The following TRPT1 variants were observed in gnomAD, a reference collection of about 807,000 sequenced individuals.
TRPT1 encodes the protein tRNA phosphotransferase 1.
Under a neutral mutation model 28.4 loss-of-function variants are expected in TRPT1, and 22 were observed. That is an observed-to-expected ratio of 0.78 (90% CI 0.55 to 1.11). TRPT1 has a LOEUF of 1.11. Ranked by LOEUF, TRPT1 falls within the 50% of genes least tolerant of loss-of-function variation. The probability of loss-of-function intolerance (pLI) is 0.00; values close to 1 mark genes in which losing one functional copy is unlikely to be tolerated. For missense variants in TRPT1, 308 were observed against 317.7 expected (o/e 0.97, Z 0.23); for synonymous variants, 137 against 132.4 (o/e 1.03, Z -0.24).
chr11:64,225,510 G>A lies in TRPT1; in HGVS notation c.146C>T (p.Pro49Leu), dbSNP rs200984499. ...LRHGALKLGL[P>L]MGADGFVPLG... Reference sequence around the variant, plus strand: ...AGGCCCCTACTTACCAGCTCCCATGGGAAGCCCCAGCTTCAAGGCCCCATG... The same window carrying A: ...AGGCCCCTACTTACCAGCTCCCATGAGAAGCCCCAGCTTCAAGGCCCCATG... The change falls in exon 3 of 8, where the codon CCC becomes CTC. Residue 49 changes from proline to leucine, a missense_variant. Physicochemically the swap from Pro to Leu is moderately conservative, Grantham distance 98. Transcript: ENST00000317459. 33 of 1,612,798 alleles carry A rather than the reference G, an allele frequency of 2.0e-5. No homozygotes were observed. Among genetic ancestry groups the A allele is most frequent in the Non-Finnish European group, 2.5e-5 (30 of 1,179,550 alleles).
Position 64,224,924 on chromosome 11 carries a change from G to A in TRPT1, c.204C>T (p.Arg68=), listed in dbSNP as rs780390832. 6 of 1,582,664 alleles carry A rather than the reference G, an allele frequency of 3.8e-6. No individual in the cohort carries two copies. The highest frequency in any genetic ancestry group is 2.3e-5 in the East Asian group (1 of 42,970). Residue 68 remains arginine, a synonymous_variant, in exon 4 of 8, where the codon CGC becomes CGT. Coordinates refer to ENST00000317459, the MANE Select transcript of TRPT1 (RefSeq NM_001033678.4). ...GCTGCACATCTTCAGCAGAGAAGCCGCGGAACTGGGGCAACTGCAGGAGGG... is the reference window on the plus strand; with the variant it reads ...GCTGCACATCTTCAGCAGAGAAGCCACGGAACTGGGGCAACTGCAGGAGGG... The part of the protein sequence containing the change: ...LGTLLQLPQF[R]GFSAEDVQRV...
Position 64,224,304 on chromosome 11 carries a change from A to G in TRPT1, c.540T>C (p.Asp180=). ...ACTCACCTGCCAGAGCCAGGGGTCC[A>G]TCGATGAACACAGCTATTTCACAAT... ...RSHCEIAVFI[D]GPLALADGIP... The change falls in exon 6 of 8, where the codon GAT becomes GAC. Residue 180 remains aspartate (D), a synonymous_variant. Coordinates refer to ENST00000317459, the MANE Select transcript of TRPT1 (RefSeq NM_001033678.4). 1 of 1,613,840 alleles carries G rather than the reference A, an allele frequency of 6.2e-7. No individual in the cohort carries two copies.
At chr11:64,225,268 C>T (rs1471759484) in intron 3 of TRPT1, 2 of 609,744 alleles carry the variant, frequency 3.3e-6, no homozygotes, top group African/African-American at 3.7e-5. Context: ...AAGTGCTGAT[C>T]TGGCTGCTTG....
In TRPT1 at chr11:64,224,129, A is replaced by G; in HGVS notation, c.641T>C (p.Phe214Ser). The stretch of plus-strand genomic sequence containing the variant: ...AGGGCGTAGCTGCAGGGCCTCCTTG[A>G]AGTACTTGGGAAGGAGGAAGCCATC... ...NTDGFLLPKY[F>S]KEALQLRPTR... is the part of the protein sequence containing the mutation. Residue 214 changes from phenylalanine to serine, a missense_variant, in exon 7 of 8, where the codon TTC becomes TCC. By Grantham distance (155) the Phe-to-Ser change is radical. Transcript: ENST00000317459. 1.2e-6 allele frequency: 2 copies of G among 1,607,554 alleles called. No individual in the cohort carries two copies. Among genetic ancestry groups the G allele is most frequent in the Non-Finnish European group, 1.7e-6 (2 of 1,175,628 alleles).
At chr11:64,225,195 TGGCCC>T in intron 3 of TRPT1, 1 of 618,778 alleles carries the variant, frequency 1.6e-6, no homozygotes, top group Non-Finnish European at 2.8e-6. Flanking sequence ...AGCATAGCGC[TGGCCC>T]GGAGTGCACA....
intron 3 of TRPT1, 83 bp downstream of exon 3, chr11:64,225,416 G>T: frequency 8.4e-7 from 1 of 1,189,556 alleles, no homozygotes. Context: ...AGGGAGCGGT[G>T]GAGGCAGCCA....
intron 2 of TRPT1, 53 bp from the exon 3 acceptor site, chr11:64,225,633 C>A: frequency 6.5e-7 from 1 of 1,543,180 alleles, no homozygotes; most frequent in Middle Eastern, 1.7e-4. Flanking sequence ...TGCCCTACTG[C>A]CCATCCTGAA....
chr11:64,225,121 G>T (rs1394889692), intron 3 of TRPT1, 151 bp from the exon 4 acceptor site: 1 of 883,580 alleles, frequency 1.1e-6, no homozygotes, highest in Non-Finnish European at 1.7e-6. Context: ...TTTCTGGGCC[G>T]CAGTTTTTTC....
Position 64,224,329 on chromosome 11 carries a change from T to C in TRPT1, c.515A>G (p.His172Arg), listed in dbSNP as rs1059440. The C allele has an allele frequency of 0.17, 274,555 of 1,613,572 alleles. 24,734 individuals are homozygous for C. The highest frequency in any genetic ancestry group is 0.3 in the Admixed American group (18,084 of 60,014). The change falls in exon 6 of 8, where the codon CAT becomes CGT. Residue 172 changes from histidine to arginine, a missense_variant. By Grantham distance (29) the His-to-Arg change is conservative. Coordinates refer to ENST00000317459, the MANE Select transcript of TRPT1 (RefSeq NM_001033678.4). The part of the protein sequence containing the change: ...DPGIISGMRS[H>R]CEIAVFIDGP... Reference sequence around the variant, plus strand: ...ATCGATGAACACAGCTATTTCACAATGGGACCGCATGCCTGCAGAGACAGC... The same window carrying C: ...ATCGATGAACACAGCTATTTCACAACGGGACCGCATGCCTGCAGAGACAGC...
Position 64,224,830 on chromosome 11 carries a change from T to A in TRPT1, c.298A>T (p.Ile100Phe). ...AGGGAATGGCCCTGGTTGGCCCGGATGAGAAGGCCAGTGCTGGGATCCCCC... is the reference window on the plus strand; with the variant it reads ...AGGGAATGGCCCTGGTTGGCCCGGAAGAGAAGGCCAGTGCTGGGATCCCCC... ...QLGDPSTGLL[I>F]RANQGHSLQV... Residue 100 changes from isoleucine to phenylalanine, a missense_variant, in exon 4 of 8, where the codon ATC becomes TTC. By Grantham distance (21) the Ile-to-Phe change is conservative (BLOSUM62 0). Transcript: ENST00000317459. The A allele has an allele frequency of 6.2e-7, 1 of 1,613,454 alleles. No homozygotes were observed. The highest frequency in any genetic ancestry group is 1.1e-5 in the South Asian group (1 of 91,072).
rs1044923116 is a variant in TRPT1 at position 64,226,173 on chromosome 11, G to A, written c.-133C>T. 1.9e-5 allele frequency: 8 copies of A among 411,312 alleles called. No homozygotes were observed. The highest frequency in any genetic ancestry group is 3.0e-5 in the Non-Finnish European group (7 of 233,002). 25.5% of individuals were successfully genotyped at this position (411,312 alleles called of 1,614,324 possible). A position where few individuals can be genotyped will look rare whatever the true frequency, so the allele number is the denominator to read the frequency against. On this transcript the variant is annotated 5_prime_UTR_variant, in exon 1 of 8. Transcript: ENST00000317459. Reference sequence around the variant, plus strand: ...TGCCGACGGACCGGGCGGAAGCGTCGGGGCGGCGGGGACAAACCTCCAGGA... The same window carrying A: ...TGCCGACGGACCGGGCGGAAGCGTCAGGGCGGCGGGGACAAACCTCCAGGA...
intron 2 of TRPT1, 92 bp downstream of exon 2, chr11:64,225,694 G>A: frequency 7.3e-7 from 1 of 1,377,516 alleles, no homozygotes; most frequent in South Asian, 1.3e-5. Flanking sequence ...AGTGCCAGTG[G>A]TCTCCAGGAA....
rs1338330072 is a variant in TRPT1 at position 64,225,518 on chromosome 11, C to CAGCT, written c.134_137dup (p.Gly47AlafsTer8). 3.7e-6 allele frequency: 6 copies of CAGCT among 1,612,954 alleles called. No individual in the cohort carries two copies. Among genetic ancestry groups the CAGCT allele is most frequent in the Non-Finnish European group, 5.1e-6 (6 of 1,179,710 alleles). On this transcript the variant is annotated frameshift_variant, in exon 3 of 8. Coordinates refer to ENST00000317459, the MANE Select transcript of TRPT1 (RefSeq NM_001033678.4). LOFTEE classifies it high-confidence loss of function. ...ACTTACCAGCTCCCATGGGAAGCCCCAGCTTCAAGGCCCCATGGCGCAGGG... is the reference window on the plus strand; with the variant it reads ...ACTTACCAGCTCCCATGGGAAGCCCCAGCTAGCTTCAAGGCCCCATGGCGCAGGG...
chr11:64,225,660 G>T, intron 2 of TRPT1, 80 bp from the exon 3 acceptor site: 1 of 1,449,184 alleles, frequency 6.9e-7, no homozygotes, highest in Admixed American at 2.0e-5. Context: ...ATGACCCACT[G>T]CAGAGAGAGC....
rs1352009611 is a variant in TRPT1 at position 64,224,656 on chromosome 11, T to C, written c.389A>G (p.His130Arg). The C allele has an allele frequency of 1.2e-6, 2 of 1,607,562 alleles. No individual in the cohort carries two copies. Among genetic ancestry groups the C allele is most frequent in the Non-Finnish European group, 1.7e-6 (2 of 1,176,270 alleles). Residue 130 changes from histidine to arginine, a missense_variant, in exon 5 of 8, where the codon CAT (histidine) becomes CGT (arginine). Coordinates refer to ENST00000317459, the MANE Select transcript of TRPT1 (RefSeq NM_001033678.4). ...TPQALPPMLV[H>R]GTFWKHWPSI... ...TGGCCAGTGCTTCCAGAATGTACCATGGACTAGCATCGGGGGCAGGGCCTG... is the reference window on the plus strand; with the variant it reads ...TGGCCAGTGCTTCCAGAATGTACCACGGACTAGCATCGGGGGCAGGGCCTG...
rs1946850259 is a variant in TRPT1 at position 64,224,544 on chromosome 11, A to G, written c.501T>C (p.Ser167=). The G allele has an allele frequency of 6.4e-7, 1 of 1,564,828 alleles. No individual in the cohort carries two copies. The change falls in exon 5 of 8, where the codon AGT becomes AGC. Residue 167 remains serine, a splice_region_variant and synonymous_variant. Coordinates refer to ENST00000317459, the MANE Select transcript of TRPT1 (RefSeq NM_001033678.4). The part of the protein sequence containing the change: ...PGLPGDPGII[S]GMRSHCEIAV... Reference sequence around the variant, plus strand: ...CTAGGTGGAGGGGAGGGCACTGACCACTGATGATACCGGGGTCTCCAGGCA... The same window carrying G: ...CTAGGTGGAGGGGAGGGCACTGACCGCTGATGATACCGGGGTCTCCAGGCA...
chr11:64,225,004 T>C, intron 3 of TRPT1, 34 bp from the exon 4 acceptor site: 2 of 1,542,562 alleles, frequency 1.3e-6, no homozygotes, highest in Non-Finnish European at 8.7e-7. Flanking sequence ...GAGCTAACCT[T>C]GCTCTGGACT....
At position 64,223,891 on chromosome 11, in the gene TRPT1, C is replaced by T. The variant is rs376245317; in HGVS notation, c.747G>A (p.Arg249=). 167 of 1,605,286 alleles carry T rather than the reference C, an allele frequency of 1.0e-4. No individual in the cohort carries two copies. The highest frequency in any genetic ancestry group is 7.4e-5 in the Non-Finnish European group (87 of 1,175,218). The part of the protein sequence containing the change: ...SSPKHSSRER[R]RIQQ ...AATTAATATTTTATTGTTGGATCCT[C>T]CTCCTTTCTCTGGAGCTGTGCTTGG... is the stretch of plus-strand genomic sequence containing the variant. The change falls in exon 8 of 8, where the codon AGG becomes AGA. Residue 249 remains arginine, a synonymous_variant. Transcript: ENST00000317459.
At position 64,225,348 on chromosome 11, in the gene TRPT1, G is replaced by A. The variant is rs140068269; in HGVS notation, c.157+151C>T. The A allele has an allele frequency of 6.6e-4, 438 of 663,332 alleles. 4 individuals are homozygous for A. The African/African-American group carries it at 7.4e-3, about 11-fold the overall frequency. 41.1% of individuals were successfully genotyped at this position (663,332 alleles called of 1,614,324 possible). A position where few individuals can be genotyped will look rare whatever the true frequency, so the allele number is the denominator to read the frequency against. ...CTCAGTCTGCTGTGGACATGACAGG[G>A]GCTCTAGGCCTTGCTCTCCTCTGTG... On this transcript the variant is annotated intron_variant, in intron 3 of 7. Coordinates refer to ENST00000317459, the MANE Select transcript of TRPT1 (RefSeq NM_001033678.4).
Sources: gnomAD v4.1 joint callset for allele counts on GRCh38, gnomAD v4.1.1 for gene constraint, MANE v1.5 for transcripts, NCBI Gene and HGNC (gene_info 2026-07-23, HGNC 2026-07-21) for gene names.